The following RPL22 variants were observed in gnomAD, a reference collection of about 807,000 sequenced individuals.
RPL22 encodes large ribosomal subunit protein eL22.
RPL22 carries 4 observed loss-of-function variants against 16.2 expected under a neutral mutation model. That is an observed-to-expected ratio of 0.25 (90% CI 0.12 to 0.57). RPL22 has a LOEUF of 0.57. RPL22 is among the 20% of genes least tolerant of loss of function. The pLI is 0.92. For missense variants in RPL22, 83 were observed against 156.1 expected (o/e 0.53, Z 2.49); for synonymous variants, 43 against 54.8 (o/e 0.78, Z 0.95).
chr1:6,195,375 G>A (rs986458842), intron 2 of RPL22, among the ~76,000 whole-genome samples: 1 of 150,406 alleles, frequency 6.6e-6, no homozygotes, highest in Non-Finnish European at 1.5e-5. Context: ...AACATGGGAG[G>A]CGGAGCTTGC....
intron 1 of RPL22, chr1:6,199,268 G>A: frequency 7.0e-6 from 4 of 574,286 alleles, no homozygotes; most frequent in East Asian, 7.5e-5. Context: ...GGGGTCCGAG[G>A]ACCAGTGGCC....
Position 6,185,190 on chromosome 1 carries a change from G to C in RPL22, c.*1482C>G, listed in dbSNP as rs1667568620. 1 of 396,984 alleles carries C rather than the reference G, an allele frequency of 2.5e-6. No individual in the cohort carries two copies. The highest frequency in any genetic ancestry group is 2.1e-5 in the African/African-American group (1 of 48,580). The allele number at this position is 396,984 out of a possible 1,614,324, so 24.6% of individuals were successfully genotyped here. ...TAACTGAAATGCCAACTTCAGCCCA[G>C]GGTTTTTTCACAACCAAACTAAAAA... On this transcript the variant is annotated 3_prime_UTR_variant, in exon 4 of 4. Coordinates refer to ENST00000234875, the MANE Select transcript of RPL22 (RefSeq NM_000983.4).
At chr1:6,198,190 T>G (rs2100908566) in intron 1 of RPL22, 1 of 194,764 alleles carries the variant, frequency 5.1e-6, no homozygotes. Flanking sequence ...AATTTTCATA[T>G]GAAATCAATC....
At chr1:6,194,358 A>G (rs1031674576) in intron 2 of RPL22, among the ~76,000 whole-genome samples, 1 of 152,226 alleles carries the variant, frequency 6.6e-6, no homozygotes, top group South Asian at 2.1e-4. Context: ...GGACTGAAAC[A>G]ATTCTAGACC....
chr1:6,188,031 TCAC>T (rs1469754987), intron 3 of RPL22, among the ~76,000 whole-genome samples: 1 of 135,058 alleles, frequency 7.4e-6, no homozygotes, highest in Non-Finnish European at 1.5e-5. Context: ...AGCTAAACAC[TCAC>T]CACAACAGGG....
intron 3 of RPL22, among the ~76,000 whole-genome samples, chr1:6,191,568 G>A (rs557574628): frequency 6.6e-5 from 10 of 150,508 alleles, no homozygotes; most frequent in African/African-American, 1.2e-4. Flanking sequence ...CCAGCTACTC[G>A]GGAGGCTGAG....
rs192832986 is a variant in RPL22, at chr1:6,195,668, T to C, written c.117+1984A>G. On this transcript the variant is annotated intron_variant, in intron 2 of 3. Transcript: ENST00000234875. ...TCGGGAGGCTGAGAAAGAGAATCAC[T>C]TAAACCTGGAAGGTGGAGGTTGCAG... Among the ~76,000 whole-genome samples the C allele has an allele frequency of 5.3e-4, 69 of 129,954 alleles. 1 individual carries two copies. The highest frequency in any genetic ancestry group is 6.4e-3 in the Middle Eastern group (1 of 156). 85.3% of individuals were successfully genotyped at this position (129,954 alleles called of 152,430 possible).
intron 3 of RPL22, among the ~76,000 whole-genome samples, chr1:6,189,750 T>C (rs567249879): frequency 5.9e-5 from 9 of 151,720 alleles, no homozygotes; most frequent in Admixed American, 2.0e-4. Context: ...TGAAACCCCC[T>C]CTCTACTAAA....
chr1:6,193,347 G>T (rs1366462261), intron 2 of RPL22, among the ~76,000 whole-genome samples: 3 of 142,906 alleles, frequency 2.1e-5, no homozygotes, highest in Admixed American at 7.0e-5. Flanking sequence ...TTTTTGAGAT[G>T]GAGTTTAGCT....
chr1:6,197,870 G>A lies in RPL22; in HGVS notation c.13-114C>T, dbSNP rs902555897. The A allele has an allele frequency of 7.2e-5, 57 of 792,616 alleles. No homozygotes were observed. In the African/African-American group the frequency reaches 7.2e-4, roughly 10 times the overall value. The allele number at this position is 792,616 out of a possible 1,614,324, so 49.1% of individuals were successfully genotyped here. ...AAGTCCATACAAATACAAAACTAACGGAAGTGTGCTCCCTTTGCCAGAGGG... is the reference window on the plus strand; with the variant it reads ...AAGTCCATACAAATACAAAACTAACAGAAGTGTGCTCCCTTTGCCAGAGGG... On this transcript the variant is annotated intron_variant, in intron 1 of 3. Coordinates refer to ENST00000234875, the MANE Select transcript of RPL22 (RefSeq NM_000983.4).
intron 2 of RPL22, among the ~76,000 whole-genome samples, chr1:6,197,325 T>C (rs1667733302): frequency 6.6e-6 from 1 of 152,196 alleles, no homozygotes; most frequent in Non-Finnish European, 1.5e-5. Context: ...CCACCGTGCC[T>C]GGCTTGTTTC....
intron 3 of RPL22, among the ~76,000 whole-genome samples, chr1:6,187,802 CAA>C (rs1412614765): frequency 2.6e-5 from 4 of 152,074 alleles, no homozygotes; most frequent in Admixed American, 6.6e-5. Flanking sequence ...AGTGGGTTTC[CAA>C]AGAGCTGTAA....
intron 3 of RPL22, among the ~76,000 whole-genome samples, chr1:6,187,620 A>C (rs1323735741): frequency 6.6e-6 from 1 of 150,952 alleles, no homozygotes; most frequent in Non-Finnish European, 1.5e-5. Context: ...TCTCAAAAAA[A>C]AAAAAACAAA....
chr1:6,188,687 C>T (rs956211757), intron 3 of RPL22, among the ~76,000 whole-genome samples: 33 of 152,116 alleles, frequency 2.2e-4, no homozygotes, highest in African/African-American at 7.0e-4. Context: ...AGAGCCAATT[C>T]ATCTACCCAA....
chr1:6,197,832 G>T, intron 1 of RPL22, 76 bp from the exon 2 acceptor site: 1 of 1,049,066 alleles, frequency 9.5e-7, no homozygotes, highest in Non-Finnish European at 1.5e-6. Flanking sequence ...AACCAGAAAC[G>T]TCATAGGTAT....
chr1:6,189,608 A>AG, intron 3 of RPL22, among the ~76,000 whole-genome samples: 1 of 140,638 alleles, frequency 7.1e-6, no homozygotes. Context: ...GAAAAAAATC[A>AG]GGTTAAAAAA....
chr1:6,199,462 GC>G lies in RPL22; in HGVS notation c.12+99del, dbSNP rs1473978559. ...ACCTGCCAGCCCACCCCAGCAGGAC[GC>G]TGCAGGGCGCCGTCCCCAGCGAGCC... On this transcript the variant is annotated intron_variant, in intron 1 of 3. Transcript: ENST00000234875. 3 of 1,494,112 alleles carry G rather than the reference GC, an allele frequency of 2.0e-6. No homozygotes were observed. The African/African-American group carries it at 4.2e-5, about 21-fold the overall frequency. 92.6% of individuals were successfully genotyped at this position (1,494,112 alleles called of 1,614,324 possible).
At chr1:6,198,814 T>G (rs976782884) in intron 1 of RPL22, 1 of 152,234 alleles carries the variant, frequency 6.6e-6, no homozygotes, top group Non-Finnish European at 1.5e-5. Context: ...ATCAAGGTTT[T>G]AAACCAAAAG....
rs755379091 is a variant in RPL22 at position 6,193,049 on chromosome 1, C to T, written c.123G>A (p.Gln41=). 1.5e-5 allele frequency: 24 copies of T among 1,614,050 alleles called. No individual in the cohort carries two copies. The highest frequency in any genetic ancestry group is 1.9e-5 in the Non-Finnish European group (22 of 1,180,024). Residue 41 remains glutamine, a synonymous_variant, in exon 3 of 4, where the codon CAG becomes CAA. Coordinates refer to ENST00000234875, the MANE Select transcript of RPL22 (RefSeq NM_000983.4). ...DGIMDAANFE[Q]FLQERIKVNG... ...TCACTTTGATCCTTTCTTGCAAAAA[C>T]TGCTCCTGTAGAAATCATTAAATTG...
Sources: gnomAD v4.1 joint callset for allele counts (sites outside exome capture counted in the v4.1 genomes callset) on GRCh38, gnomAD v4.1.1 for gene constraint, MANE v1.5 for transcripts, NCBI Gene and HGNC (gene_info 2026-07-23, HGNC 2026-07-21) for gene names.